The following AVEN variants were observed in gnomAD, a reference collection of about 807,000 sequenced individuals.
AVEN encodes apoptosis and caspase activation inhibitor, also known as cell death regulator Aven.
Under a neutral mutation model 38.1 loss-of-function variants are expected in AVEN, and 41 were observed. The observed-to-expected ratio is 1.08, with a 90% CI of 0.84 to 1.40. AVEN has a LOEUF of 1.40. Ranked by LOEUF, AVEN falls within the 40% of genes most tolerant of loss-of-function variation. The pLI is 0.00. For missense variants in AVEN, 605 were observed against 438.8 expected, an observed-to-expected ratio of 1.38 and a Z score of -3.38; for synonymous variants, 206 against 171.8, an observed-to-expected ratio of 1.20 and a Z score of -1.56.
intron 4 of AVEN, among the ~76,000 whole-genome samples, chr15:33,869,358 C>A (rs920888748): frequency 2.6e-5 from 4 of 152,144 alleles, no homozygotes; most frequent in African/African-American, 9.7e-5. Context: ...ACCTTTAATG[C>A]CTGCCACTGA....
In AVEN at chr15:33,904,714, T is replaced by TACACACACACACAC. The variant is rs201939919; in HGVS notation, c.446-28720_446-28719insGTGTGTGTGTGTGT. Among the ~76,000 whole-genome samples the TACACACACACACAC allele has an allele frequency of 2.3e-3, 328 of 142,712 alleles. 4 individuals carry two copies. The highest frequency in any genetic ancestry group is 7.6e-3 in the African/African-American group (284 of 37,482). The allele number at this position is 142,712 out of a possible 152,430, so 93.6% of individuals were successfully genotyped here. On this transcript the variant is annotated intron_variant, in intron 2 of 5. Transcript: ENST00000306730. ...AAAAAAATATATATATATATATATA[T>TACACACACACACAC]ATACACACACACACGAATATGCACG... is the stretch of plus-strand genomic sequence containing the variant.
rs1189443226 is a variant in AVEN at position 33,866,705 on chromosome 15, C to G, written c.997G>C (p.Glu333Gln). The change falls in exon 6 of 6, where the codon GAA becomes CAA. Residue 333 changes from glutamate (E) to glutamine (Q), a missense_variant. Coordinates refer to ENST00000306730, the MANE Select transcript of AVEN (RefSeq NM_020371.3). ...TGCTCAGGTTCCATGTTTTTTTCTTCAGTCACAGATGGTTTTGCACAAACT... is the reference window on the plus strand; with the variant it reads ...TGCTCAGGTTCCATGTTTTTTTCTTGAGTCACAGATGGTTTTGCACAAACT... ...EEVCAKPSVT[E>Q]EKNMEPEQPS... 6.2e-7 allele frequency: 1 copy of G among 1,613,668 alleles called. No individual in the cohort carries two copies. The highest frequency in any genetic ancestry group is 8.5e-7 in the Non-Finnish European group (1 of 1,179,852).
At chr15:34,040,898 T>TA (rs60454298), upstream of AVEN, among the ~76,000 whole-genome samples, 23,151 of 144,924 alleles carry the variant, frequency 0.16, 2,289 homozygotes, top group African/African-American at 0.29. Flanking sequence ...GGAGACTGTC[T>TA]AAAAAAAAAA....
At chr15:34,054,416 A>G (rs1258589332) in intron 5 of AVEN, among the ~76,000 whole-genome samples, 1 of 152,206 alleles carries the variant, frequency 6.6e-6, no homozygotes, top group Non-Finnish European at 1.5e-5. Flanking sequence ...TAGCAAAGAC[A>G]TAGAATCAAT....
In AVEN at chr15:34,073,983, C is replaced by CTTTTTTTT. The variant is rs1567498505; in HGVS notation, n.720+452_720+453insAAAAAAAA. On this transcript the variant is annotated intron_variant and non_coding_transcript_variant, in intron 1 of 11. Transcript: ENST00000675287. ...GTTTGGAGGAACTTTCTTTTTTCTT[C>CTTTTTTTT]TTCTTCTTTTTTTTTTTTTTTTTTT... Among the ~76,000 whole-genome samples, 20 of 20,812 alleles carry CTTTTTTTT rather than the reference C, an allele frequency of 9.6e-4. 1 individual carries two copies. The highest frequency in any genetic ancestry group is 2.2e-3 in the African/African-American group (18 of 8,322). The allele number at this position is 20,812 out of a possible 152,430, so 13.7% of individuals were successfully genotyped here.
At chr15:34,009,256 C>T (rs552454959) in intron 1 of AVEN, among the ~76,000 whole-genome samples, 9 of 152,256 alleles carry the variant, frequency 5.9e-5, no homozygotes, top group African/African-American at 1.9e-4. Context: ...ACAAGATACA[C>T]TAACAAAGTT....
chr15:33,920,769 T>C (rs563243148), intron 2 of AVEN, among the ~76,000 whole-genome samples: 2 of 140,140 alleles, frequency 1.4e-5, no homozygotes, highest in African/African-American at 2.5e-5. Flanking sequence ...TTTCCAAATA[T>C]ACTTCCTTTT....
At chr15:33,872,263 G>C (rs1425319779) in intron 3 of AVEN, among the ~76,000 whole-genome samples, 1 of 152,236 alleles carries the variant, frequency 6.6e-6, no homozygotes, top group Non-Finnish European at 1.5e-5. Context: ...CTGCAAGCCT[G>C]AAGCTTCCTC....
chr15:33,935,488 G>A (rs199711608), intron 2 of AVEN, among the ~76,000 whole-genome samples: 1 of 151,626 alleles, frequency 6.6e-6, no homozygotes. Context: ...GTATATATGT[G>A]TATATATATG....
chr15:33,986,302 G>T (rs145751019), intron 2 of AVEN, among the ~76,000 whole-genome samples: 2,219 of 151,800 alleles, frequency 0.015, 69 homozygotes, highest in African/African-American at 0.052. Context: ...GTAGAAACGG[G>T]GTTTCACCAT....
rs77463879 is a variant in AVEN at position 34,072,567 on chromosome 15, G to A, written n.720+1869C>T. ...GGAGGTTGCAGTGAGTCAAGATCTGGCCACTGCACTCCAGCCTGGGCAACA... is the reference window on the plus strand; with the variant it reads ...GGAGGTTGCAGTGAGTCAAGATCTGACCACTGCACTCCAGCCTGGGCAACA... On this transcript the variant is annotated intron_variant and non_coding_transcript_variant, in intron 1 of 11. Coordinates refer to the AVEN transcript ENST00000675287. Among the ~76,000 whole-genome samples, 48 of 149,926 alleles carry A rather than the reference G, an allele frequency of 3.2e-4. No individual in the cohort carries two copies. The South Asian group carries it at 5.5e-3, about 17-fold the overall frequency.
intron 5 of AVEN, among the ~76,000 whole-genome samples, chr15:34,050,608 T>G (rs1238072180): frequency 2.0e-5 from 3 of 152,056 alleles, no homozygotes; most frequent in Non-Finnish European, 4.4e-5. Context: ...AAGAGACTCA[T>G]CTCATGTGTG....
At chr15:33,854,342 C>G (rs1469348366), downstream of AVEN, 1 of 1,493,596 alleles carries the variant, frequency 6.7e-7, no homozygotes, top group South Asian at 1.2e-5. Flanking sequence ...GAGCACTTAA[C>G]TACCTCTTGA....
chr15:34,044,635 C>T (rs1899617441), intron 5 of AVEN, among the ~76,000 whole-genome samples: 1 of 152,224 alleles, frequency 6.6e-6, no homozygotes, highest in Admixed American at 6.5e-5. Flanking sequence ...CTGCTCCCAA[C>T]AGAAGGGGAC....
the AVEN span, chr15:33,853,680 A>G: frequency 3.1e-6 from 5 of 1,613,106 alleles, no homozygotes; most frequent in South Asian, 3.3e-5. Flanking sequence ...CTCTGGTGTC[A>G]TGGTACAAAA....
At chr15:33,901,271 A>C (rs1019445801) in intron 2 of AVEN, among the ~76,000 whole-genome samples, 3 of 152,164 alleles carry the variant, frequency 2.0e-5, no homozygotes, top group Non-Finnish European at 2.9e-5. Flanking sequence ...CACCTCAAAA[A>C]AGAAAAGAAA....
At chr15:33,978,248 C>A (rs1464335206) in intron 2 of AVEN, among the ~76,000 whole-genome samples, 2 of 152,148 alleles carry the variant, frequency 1.3e-5, no homozygotes, top group Non-Finnish European at 2.9e-5. Flanking sequence ...TCCTGAGCAT[C>A]CTCTGAACAT....
At chr15:33,857,193 AAT>A (rs1385209897), downstream of AVEN, among the ~76,000 whole-genome samples, 5 of 152,096 alleles carry the variant, frequency 3.3e-5, no homozygotes, top group South Asian at 6.2e-4. Flanking sequence ...AAACAACAGA[AAT>A]GTCTTTTCGA....
intron 2 of AVEN, among the ~76,000 whole-genome samples, chr15:33,944,587 A>T (rs1894438450): frequency 6.6e-6 from 1 of 152,212 alleles, no homozygotes; most frequent in South Asian, 2.1e-4. Flanking sequence ...AGGCGGGTGG[A>T]TCACGAGGTC....
Sources: allele counts gnomAD v4.1 joint callset (sites outside exome capture counted in the v4.1 genomes callset), GRCh38; gene constraint gnomAD v4.1.1; transcripts MANE v1.5; gene names NCBI Gene and HGNC (gene_info 2026-07-23, HGNC 2026-07-21).